Variants in PISD observed in about 807,000 individuals in gnomAD.
PISD encodes the protein phosphatidylserine decarboxylase proenzyme, mitochondrial.
In PISD, 31 loss-of-function variants were observed where a neutral mutation model predicts 43.5. That is an observed-to-expected ratio of 0.71 (90% CI 0.54 to 0.96). The LOEUF is 0.96. Ranked by LOEUF, PISD falls within the 40% of genes least tolerant of loss-of-function variation. The probability of loss-of-function intolerance (pLI) is 0.00; values close to 1 mark genes in which losing one functional copy is unlikely to be tolerated. For missense variants in PISD, 523 were observed against 548.4 expected, an observed-to-expected ratio of 0.95 and a Z score of 0.46; for synonymous variants, 259 against 228.7, an observed-to-expected ratio of 1.13 and a Z score of -1.20.
chr22:31,620,734 G>A (rs766134071), intron 6 of PISD, 21 bp from the exon 7 acceptor site: 12 of 1,613,308 alleles, frequency 7.4e-6, no homozygotes, highest in Middle Eastern at 1.7e-4. Context: ...AGGGAATGCC[G>A]CTACTCCCCG....
At chr22:31,624,756 C>CACAT (rs1556412913) in intron 3 of PISD, among the ~76,000 whole-genome samples, 1 of 120,288 alleles carries the variant, frequency 8.3e-6, no homozygotes, top group South Asian at 2.5e-4. Context: ...CACACACACA[C>CACAT]GAGACCCAAG....
chr22:31,648,076 C>T (rs775574915), intron 3 of PISD, 25 bp downstream of exon 3: 6 of 1,595,642 alleles, frequency 3.8e-6, no homozygotes, highest in Non-Finnish European at 8.5e-7. Context: ...GACGAGAACC[C>T]AAGGCAGTTC....
intron 3 of PISD, among the ~76,000 whole-genome samples, chr22:31,636,277 T>C (rs1464846857): frequency 1.3e-5 from 2 of 152,202 alleles, no homozygotes; most frequent in Non-Finnish European, 2.9e-5. Flanking sequence ...AATACTGTAC[T>C]ATACATTTTT....
In PISD at chr22:31,648,262, G is replaced by A. The variant is rs564343399; in HGVS notation, c.160C>T (p.His54Tyr). 1.2e-6 allele frequency: 2 copies of A among 1,607,218 alleles called. No homozygotes were observed. Among genetic ancestry groups the A allele is most frequent in the Middle Eastern group, 1.7e-4 (1 of 6,044 alleles). Residue 54 changes from histidine to tyrosine, a missense_variant, in exon 3 of 8, where the codon CAC becomes TAC. His to Tyr is a moderately conservative substitution (Grantham distance 83). Transcript: ENST00000439502. ...RAFRTDARKI[H>Y]TAPARTMFLL... ...AACATGGTTCGGGCAGGGGCAGTGT[G>A]GATTTTTCTGGCATCTGTAATAAAA...
intron 3 of PISD, among the ~76,000 whole-genome samples, chr22:31,633,910 C>T (rs1282253929): frequency 6.6e-6 from 1 of 152,206 alleles, no homozygotes; most frequent in Non-Finnish European, 1.5e-5. Flanking sequence ...AATTTACTTT[C>T]CTACCTTGTA....
chr22:31,649,537 T>A (rs1390935354), intron 2 of PISD, among the ~76,000 whole-genome samples: 1 of 151,876 alleles, frequency 6.6e-6, no homozygotes, highest in Non-Finnish European at 1.5e-5. Context: ...ATCGGGACCA[T>A]CCTGGCTAAC....
chr22:31,651,987 G>A (rs923663368), intron 1 of PISD, among the ~76,000 whole-genome samples: 7 of 152,010 alleles, frequency 4.6e-5, no homozygotes, highest in African/African-American at 1.7e-4. Flanking sequence ...AACTGTATCC[G>A]AGTCAATAAA....
chr22:31,645,657 C>G (rs985621686), intron 3 of PISD, among the ~76,000 whole-genome samples: 5 of 147,706 alleles, frequency 3.4e-5, no homozygotes, highest in African/African-American at 4.9e-5. Flanking sequence ...GGATTATAGA[C>G]ATGAGCCACC....
intron 3 of PISD, among the ~76,000 whole-genome samples, chr22:31,640,869 C>G (rs1216457838): frequency 1.3e-5 from 1 of 76,884 alleles, no homozygotes; most frequent in East Asian, 4.0e-4. Flanking sequence ...GCATGAGCCA[C>G]CACACCCGGT....
At chr22:31,637,466 C>G (rs997912067) in intron 3 of PISD, among the ~76,000 whole-genome samples, 1 of 151,924 alleles carries the variant, frequency 6.6e-6, no homozygotes, top group Non-Finnish European at 1.5e-5. Flanking sequence ...CAACAGTCAT[C>G]TAACCCTGGT....
At chr22:31,625,888 C>G (rs2072883212) in intron 3 of PISD, 7 of 1,547,634 alleles carry the variant, frequency 4.5e-6, no homozygotes, top group African/African-American at 1.4e-5. Flanking sequence ...TCCCCTTCCC[C>G]CGAGCCAGCA....
At position 31,634,730 on chromosome 22, in the gene PISD, C is replaced by T. The variant is rs568798406; in HGVS notation, c.322-12845G>A. ...GTGCACGCCTGTAATCCCAGCTACT[C>T]GGGAGGCTGAGGTGGGAGAATCGCT... On this transcript the variant is annotated intron_variant, in intron 3 of 7. Coordinates refer to ENST00000439502, the MANE Select transcript of PISD (RefSeq NM_001326411.2). Among the ~76,000 whole-genome samples, 18 of 140,894 alleles carry T rather than the reference C, an allele frequency of 1.3e-4. No individual in the cohort carries two copies. The South Asian group carries it at 3.7e-3, about 29-fold the overall frequency. 92.4% of individuals were successfully genotyped at this position (140,894 alleles called of 152,430 possible). A position where few individuals can be genotyped will look rare whatever the true frequency, so the allele number is the denominator to read the frequency against.
rs769652284 is a variant in PISD at position 31,621,117 on chromosome 22, G to T, written c.723C>A (p.Asn241Lys). The change falls in exon 6 of 8, where the codon AAC becomes AAA. Residue 241 changes from asparagine (N) to lysine (K), a missense_variant. Asn to Lys is a moderately conservative substitution (Grantham distance 94). Transcript: ENST00000439502. Reference sequence around the variant, plus strand: ...CATTCCCTTCCCGGGTGACCAGCTGGTTCTTGAAGGAGTCACACGACGCGG... The same window carrying T: ...CATTCCCTTCCCGGGTGACCAGCTGTTTCTTGAAGGAGTCACACGACGCGG... The part of the protein sequence containing the change: ...PPAASCDSFK[N>K]QLVTREGNEL... 5 of 1,614,086 alleles carry T rather than the reference G, an allele frequency of 3.1e-6. No homozygotes were observed. The highest frequency in any genetic ancestry group is 3.4e-6 in the Non-Finnish European group (4 of 1,180,056).
intron 3 of PISD, among the ~76,000 whole-genome samples, chr22:31,624,048 C>T (rs1303183950): frequency 6.6e-6 from 1 of 152,258 alleles, no homozygotes; most frequent in South Asian, 2.1e-4. Context: ...AGGGGCTTGG[C>T]TGCCTCTGGC....
intron 1 of PISD, among the ~76,000 whole-genome samples, chr22:31,655,895 C>T (rs1221104822): frequency 6.6e-6 from 1 of 152,046 alleles, no homozygotes; most frequent in Non-Finnish European, 1.5e-5. Context: ...CCTTGGCCTC[C>T]GAAAGTGTTG....
chr22:31,623,575 C>T (rs931327080), intron 3 of PISD: 3 of 1,098,236 alleles, frequency 2.7e-6, no homozygotes, highest in South Asian at 1.6e-5. Context: ...GAAGATGTAG[C>T]GGTGACCTCT....
chr22:31,626,099 A>G (rs2072894706), intron 3 of PISD: 4 of 1,292,216 alleles, frequency 3.1e-6, no homozygotes, highest in Non-Finnish European at 4.0e-6. Context: ...AAGCCCCTGC[A>G]CTAAAGCCCA....
rs746029338 is a variant in PISD, at chr22:31,648,199, C to G, written c.223G>C (p.Gly75Arg). The G allele has an allele frequency of 2.4e-5, 38 of 1,612,264 alleles. No homozygotes were observed. Among genetic ancestry groups the G allele is most frequent in the Non-Finnish European group, 3.0e-5 (35 of 1,179,756 alleles). The change falls in exon 3 of 8, where the codon GGC becomes CGC. Residue 75 changes from glycine (G) to arginine (R), a missense_variant. Physicochemically the swap from Gly to Arg is moderately radical, Grantham distance 125. Coordinates refer to ENST00000439502, the MANE Select transcript of PISD (RefSeq NM_001326411.2). ...RPLPILLVTG[G>R]GYAGYRQYEK... is the part of the protein sequence containing the mutation. ...TACTGCCGGTACCCTGCATACCCGC[C>G]GCCTGTCACCAACAGAATGGGCAGG...
chr22:31,629,051 G>C, intron 3 of PISD: 1 of 985,496 alleles, frequency 1.0e-6, no homozygotes, highest in South Asian at 4.7e-5. Context: ...AGGACATGCT[G>C]TTTTGGGGAT....
Sources: allele counts gnomAD v4.1 joint callset (sites outside exome capture counted in the v4.1 genomes callset), GRCh38; gene constraint gnomAD v4.1.1; transcripts MANE v1.5; gene names NCBI Gene and HGNC (gene_info 2026-07-23, HGNC 2026-07-21).